Variants in CHSY3 observed in about 807,000 individuals in gnomAD.
CHSY3 encodes N-acetylgalactosaminyl-proteoglycan 3-beta-glucuronosyltransferase 3.
CHSY3 carries 35 observed loss-of-function variants against 67.2 expected under a neutral mutation model. The ratio of observed to expected loss-of-function variants is 0.52; its 90% CI spans 0.40 to 0.69. The LOEUF is 0.69. Among genes scored for constraint, CHSY3 ranks in the 30% least tolerant of loss-of-function variants. CHSY3 has a pLI of 0.00. For synonymous variants in CHSY3, 474 were observed against 434.7 expected (o/e 1.09, Z -1.12); for missense variants, 1,069 against 1,138.5 (o/e 0.94, Z 0.88).
At chr5:129,947,201 T>A (rs1761881202) in intron 2 of CHSY3, among the ~76,000 whole-genome samples, 1 of 152,064 alleles carries the variant, frequency 6.6e-6, no homozygotes, top group Non-Finnish European at 1.5e-5. Flanking sequence ...AAAAGCCCAT[T>A]ATAAAGCCAT....
intron 2 of CHSY3, among the ~76,000 whole-genome samples, chr5:130,173,834 C>CT (rs375425000): frequency 0.013 from 1,875 of 147,944 alleles, 32 homozygotes; most frequent in African/African-American, 0.041. Context: ...GAGAATCAGG[C>CT]TTTTTTTTTT....
chr5:130,144,704 C>G (rs1769018876), intron 2 of CHSY3, among the ~76,000 whole-genome samples: 1 of 151,838 alleles, frequency 6.6e-6, no homozygotes, highest in Non-Finnish European at 1.5e-5. Context: ...CCAAAGCAAT[C>G]GTGAGAAAAA....
chr5:130,083,152 CT>C (rs59034066), intron 2 of CHSY3, among the ~76,000 whole-genome samples: 78 of 152,070 alleles, frequency 5.1e-4, no homozygotes, highest in African/African-American at 1.9e-3. Flanking sequence ...AAGACCTGAA[CT>C]TTTTTTCTTT....
chr5:130,119,778 C>A (rs1036751526), intron 2 of CHSY3, among the ~76,000 whole-genome samples: 8 of 152,066 alleles, frequency 5.3e-5, no homozygotes, highest in African/African-American at 1.9e-4. Flanking sequence ...CTTTTGTTTT[C>A]TTTTCTACTT....
rs940944780 is a variant in CHSY3, at chr5:130,173,678, T to C, written c.1087-10551T>C. 4.6e-5 allele frequency among the ~76,000 whole-genome samples: 7 copies of C among 152,124 alleles called. No homozygotes were observed. In the South Asian group the frequency reaches 8.3e-4, roughly 18 times the overall value. On this transcript the variant is annotated intron_variant, in intron 2 of 2. Coordinates refer to ENST00000305031, the MANE Select transcript of CHSY3 (RefSeq NM_175856.5). ...TGCATACAGGATATGAAGAAGAGTGTACCTTATTATTCTTATACCAGATCA... is the reference window on the plus strand; with the variant it reads ...TGCATACAGGATATGAAGAAGAGTGCACCTTATTATTCTTATACCAGATCA...
At chr5:130,080,734 T>C (rs1766418573) in intron 2 of CHSY3, among the ~76,000 whole-genome samples, 3 of 152,138 alleles carry the variant, frequency 2.0e-5, no homozygotes, top group South Asian at 4.1e-4. Flanking sequence ...CTTCACTTAC[T>C]GTGTGATCAT....
At chr5:130,110,692 G>A (rs1274699622) in intron 2 of CHSY3, among the ~76,000 whole-genome samples, 2 of 151,722 alleles carry the variant, frequency 1.3e-5, no homozygotes. Context: ...CATATAAAAA[G>A]CATAGAGAAT....
At chr5:130,124,039 C>CAAAAAAAAA (rs11297427) in intron 2 of CHSY3, among the ~76,000 whole-genome samples, 18 of 58,244 alleles carry the variant, frequency 3.1e-4, no homozygotes, top group African/African-American at 7.3e-4. Flanking sequence ...GACTCCATCT[C>CAAAAAAAAA]AAAAAAAAAA....
intron 2 of CHSY3, among the ~76,000 whole-genome samples, chr5:130,015,265 T>C (rs910318896): frequency 2.0e-5 from 3 of 152,174 alleles, no homozygotes; most frequent in African/African-American, 7.2e-5. Context: ...CTCTCAGCCA[T>C]GCCTCCCATA....
chr5:130,042,159 C>T (rs1489825561), intron 2 of CHSY3, among the ~76,000 whole-genome samples: 3 of 152,084 alleles, frequency 2.0e-5, no homozygotes, highest in African/African-American at 7.2e-5. Flanking sequence ...TCCCTTTAGC[C>T]CAGGAGTTCA....
chr5:130,048,731 G>A (rs374237492), intron 2 of CHSY3, among the ~76,000 whole-genome samples: 1 of 151,700 alleles, frequency 6.6e-6, no homozygotes, highest in Non-Finnish European at 1.5e-5. Context: ...TTTTCTACAA[G>A]TTCTTCTCTT....
Position 129,911,924 on chromosome 5 carries a change from C to T in CHSY3, c.1086+3564C>T, listed in dbSNP as rs181466519. 8.4e-3 allele frequency among the ~76,000 whole-genome samples: 1,273 copies of T among 152,090 alleles called. 16 individuals carry two copies. The highest frequency in any genetic ancestry group is 0.016 in the South Asian group (75 of 4,826). ...ACAAAAAATTAGCCAGGCGTGGTGG[C>T]GGGCGCCTGTAGTCCCAGCTACTTG... On this transcript the variant is annotated intron_variant, in intron 2 of 2. Coordinates refer to ENST00000305031, the MANE Select transcript of CHSY3 (RefSeq NM_175856.5).
At chr5:129,926,460 C>G (rs914921355) in intron 2 of CHSY3, among the ~76,000 whole-genome samples, 2 of 151,882 alleles carry the variant, frequency 1.3e-5, no homozygotes, top group African/African-American at 4.8e-5. Flanking sequence ...AGACTGAGAG[C>G]AGCATAACCT....
chr5:129,924,830 C>A (rs1364600450), intron 2 of CHSY3, among the ~76,000 whole-genome samples: 2 of 151,962 alleles, frequency 1.3e-5, no homozygotes, highest in Non-Finnish European at 2.9e-5. Context: ...TAGCATCCTC[C>A]AATTAACACA....
chr5:130,026,934 G>T (rs2149657458), intron 2 of CHSY3, among the ~76,000 whole-genome samples: 1 of 152,160 alleles, frequency 6.6e-6, no homozygotes, highest in Admixed American at 6.6e-5. Context: ...TAAGTACATA[G>T]GTAAATCTAA....
chr5:130,073,303 T>C (rs1766145806), intron 2 of CHSY3, among the ~76,000 whole-genome samples: 1 of 152,036 alleles, frequency 6.6e-6, no homozygotes, highest in African/African-American at 2.4e-5. Flanking sequence ...TTTTTTTTTT[T>C]TTAAGACAGA....
intron 2 of CHSY3, among the ~76,000 whole-genome samples, chr5:129,986,327 A>G (rs1763200449): frequency 6.6e-6 from 1 of 152,150 alleles, no homozygotes; most frequent in Non-Finnish European, 1.5e-5. Context: ...ATGAATCACA[A>G]CTATTGATTT....
intron 2 of CHSY3, among the ~76,000 whole-genome samples, chr5:130,050,351 T>C (rs1241246039): frequency 3.9e-5 from 6 of 152,236 alleles, no homozygotes; most frequent in Non-Finnish European, 8.8e-5. Flanking sequence ...CTTTAAGCAA[T>C]ATGTTATTGA....
chr5:130,050,661 A>G (rs1347646146), intron 2 of CHSY3, among the ~76,000 whole-genome samples: 2 of 152,090 alleles, frequency 1.3e-5, no homozygotes, highest in Non-Finnish European at 2.9e-5. Flanking sequence ...AATCACATAG[A>G]GTTGGGTTCA....
Sources: gnomAD v4.1 joint callset for allele counts (sites outside exome capture counted in the v4.1 genomes callset) on GRCh38, gnomAD v4.1.1 for gene constraint, MANE v1.5 for transcripts, NCBI Gene and HGNC (gene_info 2026-07-23, HGNC 2026-07-21) for gene names.